The following KCNH5 variants were observed in gnomAD, a reference collection of about 807,000 sequenced individuals.
KCNH5 encodes voltage-gated delayed rectifier potassium channel KCNH5.
A neutral mutation model predicts 96.1 loss-of-function variants in KCNH5; 46 were observed. The ratio of observed to expected loss-of-function variants is 0.48; its 90% CI spans 0.38 to 0.61. The LOEUF (loss-of-function observed/expected upper bound fraction) is 0.61, where lower values mean the gene tolerates loss of function less well. Ranked by LOEUF, KCNH5 falls within the 20% of genes least tolerant of loss-of-function variation. The probability of loss-of-function intolerance (pLI) is 0.00; values close to 1 mark genes in which losing one functional copy is unlikely to be tolerated. For missense variants in KCNH5, 907 were observed against 1,225.8 expected (o/e 0.74, Z 3.88); for synonymous variants, 439 against 449.8 (o/e 0.98, Z 0.30).
intron 8 of KCNH5, among the ~76,000 whole-genome samples, chr14:62,820,955 T>C (rs1296569092): frequency 6.6e-6 from 1 of 152,092 alleles, no homozygotes; most frequent in Non-Finnish European, 1.5e-5. Flanking sequence ...CTTTGAGGAA[T>C]CACCACACTG....
chr14:62,946,100 T>G (rs915366329), intron 7 of KCNH5, among the ~76,000 whole-genome samples: 4 of 152,008 alleles, frequency 2.6e-5, no homozygotes, highest in African/African-American at 9.7e-5. Context: ...CTTCAAAAGT[T>G]CAGGCCAGAG....
intron 7 of KCNH5, among the ~76,000 whole-genome samples, chr14:62,860,655 T>C (rs1013357650): frequency 1.3e-5 from 2 of 152,188 alleles, no homozygotes; most frequent in African/African-American, 2.4e-5. Flanking sequence ...TACCTCTTAG[T>C]GCCCATCTTT....
At chr14:62,740,455 T>G (rs547509830) in intron 10 of KCNH5, among the ~76,000 whole-genome samples, 5 of 152,102 alleles carry the variant, frequency 3.3e-5, no homozygotes, top group Non-Finnish European at 5.9e-5. Context: ...GTCCAGCCCC[T>G]GCCCCATTTT....
intron 7 of KCNH5, among the ~76,000 whole-genome samples, chr14:62,943,478 G>A (rs976372854): frequency 6.6e-6 from 1 of 152,152 alleles, no homozygotes; most frequent in Admixed American, 6.6e-5. Flanking sequence ...ATAAGATTAT[G>A]TAAATAAAAT....
At chr14:62,752,976 T>C (rs1212817863) in intron 10 of KCNH5, among the ~76,000 whole-genome samples, 1 of 152,126 alleles carries the variant, frequency 6.6e-6, no homozygotes, top group Non-Finnish European at 1.5e-5. Context: ...AACAGACTAA[T>C]ACAATGACTT....
chr14:62,860,377 C>T (rs551992235), intron 7 of KCNH5, among the ~76,000 whole-genome samples: 1 of 152,188 alleles, frequency 6.6e-6, no homozygotes, highest in Non-Finnish European at 1.5e-5. Context: ...TCTAATCCAG[C>T]AAAACTCATT....
At chr14:63,020,509 A>G (rs1214299720) in intron 1 of KCNH5, among the ~76,000 whole-genome samples, 1 of 152,146 alleles carries the variant, frequency 6.6e-6, no homozygotes, top group East Asian at 1.9e-4. Flanking sequence ...ATGCAACAAT[A>G]TGACTCAAAA....
intron 7 of KCNH5, among the ~76,000 whole-genome samples, chr14:62,893,478 G>A (rs937333338): frequency 2.6e-5 from 4 of 152,094 alleles, no homozygotes; most frequent in Middle Eastern, 3.2e-3. Context: ...ATAAATGGCC[G>A]GGCATGATGG....
chr14:62,707,775 G>A lies in KCNH5; in HGVS notation c.2700C>T (p.Pro900=). The A allele has an allele frequency of 1.2e-6, 2 of 1,614,158 alleles. No individual in the cohort carries two copies. ...TGGTCTGTAAGGCCTGCTCGGGGAT[G>A]GGATAAAAGGGGTGCTTGGCATCAG... is the stretch of plus-strand genomic sequence containing the variant. ...IQADAKHPFY[P]IPEQALQTTL... is the part of the protein sequence containing the mutation. The change falls in exon 11 of 11, where the codon CCC becomes CCT. Residue 900 remains proline (P), a synonymous_variant. Transcript: ENST00000322893.
rs1164997707 is a variant in KCNH5 at position 62,950,523 on chromosome 14, G to A, written c.979C>T (p.Arg327Cys). 1.3e-6 allele frequency: 2 copies of A among 1,599,230 alleles called. No homozygotes were observed. The highest frequency in any genetic ancestry group is 1.4e-5 in the African/African-American group (1 of 73,882). Reference protein sequence around the residue: ...SSLFSSLKVVRLLRLGRVARK... With the variant: ...SSLFSSLKVVCLLRLGRVARK... The stretch of plus-strand genomic sequence containing the variant: ...GCCACACGGCCCAGTCGTAAGAGAC[G>A]CACCACTTTTAAAGAACTGAAGAGA... The change falls in exon 7 of 11, where the codon CGT becomes TGT. Residue 327 changes from arginine (R) to cysteine (C), a missense_variant. Around this residue, in one of 6 missense-constraint regions of KCNH5, gnomAD observed 370 missense variants for 561.3 expected, o/e 0.66. Coordinates refer to ENST00000322893, the MANE Select transcript of KCNH5 (RefSeq NM_139318.5).
intron 7 of KCNH5, among the ~76,000 whole-genome samples, chr14:62,906,213 G>T (rs962243743): frequency 6.6e-6 from 1 of 152,150 alleles, no homozygotes; most frequent in African/African-American, 2.4e-5. Context: ...TGCATTTCCT[G>T]TGTTCAGTGG....
At chr14:62,709,295 C>T (rs909613798) in intron 10 of KCNH5, among the ~76,000 whole-genome samples, 4 of 146,196 alleles carry the variant, frequency 2.7e-5, no homozygotes, top group African/African-American at 5.0e-5. Context: ...GTAAGAATTC[C>T]AGGCTATAAG....
At chr14:62,817,233 C>G (rs1280334927) in intron 8 of KCNH5, among the ~76,000 whole-genome samples, 1 of 130,276 alleles carries the variant, frequency 7.7e-6, no homozygotes, top group Non-Finnish European at 1.6e-5. Flanking sequence ...TAATATAATA[C>G]ATATATTATA....
chr14:62,871,351 A>G (rs1009559064), intron 7 of KCNH5, among the ~76,000 whole-genome samples: 11 of 152,196 alleles, frequency 7.2e-5, no homozygotes, highest in Non-Finnish European at 1.3e-4. Context: ...GGGTTTAAGA[A>G]AAGCTTCCCA....
chr14:62,823,421 TG>T (rs1887154370), intron 8 of KCNH5, among the ~76,000 whole-genome samples: 1 of 152,088 alleles, frequency 6.6e-6, no homozygotes, highest in African/African-American at 2.4e-5. Context: ...ATTAGAACAC[TG>T]AGAGATTGGG....
intron 7 of KCNH5, among the ~76,000 whole-genome samples, chr14:62,909,787 G>C (rs1017399722): frequency 3.3e-5 from 5 of 152,042 alleles, no homozygotes; most frequent in Non-Finnish European, 4.4e-5. Context: ...CCATACCTCT[G>C]CTTAGAACCA....
chr14:63,027,301 T>C (rs1891541761), intron 1 of KCNH5, among the ~76,000 whole-genome samples: 1 of 151,962 alleles, frequency 6.6e-6, no homozygotes, highest in South Asian at 2.1e-4. Flanking sequence ...TTGATAGCAA[T>C]ATATTGTATA....
intron 10 of KCNH5, among the ~76,000 whole-genome samples, chr14:62,723,221 T>G (rs1162084765): frequency 6.6e-6 from 1 of 152,204 alleles, no homozygotes; most frequent in African/African-American, 2.4e-5. Flanking sequence ...TAGTTGTCAA[T>G]TTTTACATTT....
rs114712407 is a variant in KCNH5, at chr14:63,023,879, T to C, written c.74-6925A>G. ...GAACAATATACTCCTAAGGAACCAA[T>C]GGGTCAAGGAAGAAATTTGAAAGGG... On this transcript the variant is annotated intron_variant, in intron 1 of 10. Coordinates refer to ENST00000322893, the MANE Select transcript of KCNH5 (RefSeq NM_139318.5). 9.6e-3 allele frequency among the ~76,000 whole-genome samples: 1,460 copies of C among 152,152 alleles called. 80 individuals carry two copies. In the East Asian group the frequency reaches 0.14, roughly 15 times the overall value.
Sources: allele counts gnomAD v4.1 joint callset (sites outside exome capture counted in the v4.1 genomes callset), GRCh38; gene constraint gnomAD v4.1.1; regional missense constraint gnomAD v4.1.1; transcripts MANE v1.5; gene names NCBI Gene and HGNC (gene_info 2026-07-23, HGNC 2026-07-21).